The following CHRM3 variants were observed in gnomAD, a reference collection of about 807,000 sequenced individuals.
CHRM3 encodes muscarinic acetylcholine receptor M3.
CHRM3 carries 11 observed loss-of-function variants against 41.8 expected under a neutral mutation model. That is an observed-to-expected ratio of 0.26 (90% CI 0.17 to 0.44). The LOEUF (loss-of-function observed/expected upper bound fraction) is 0.44. CHRM3 is among the 20% of genes least tolerant of loss of function. The probability of loss-of-function intolerance (pLI) is 1.00; values close to 1 mark genes in which losing one functional copy is unlikely to be tolerated. For missense variants in CHRM3, 571 were observed against 745.4 expected, an observed-to-expected ratio of 0.77 and a Z score of 2.72; for synonymous variants, 297 against 301.4, an observed-to-expected ratio of 0.99 and a Z score of 0.15.
intron 6 of CHRM3, among the ~76,000 whole-genome samples, chr1:239,893,392 G>A (rs1311301256): frequency 6.6e-6 from 1 of 152,152 alleles, no homozygotes; most frequent in East Asian, 1.9e-4. Context: ...CTTGTTCATG[G>A]AAGATCTGCT....
chr1:239,826,541 G>A (rs1290830539), intron 5 of CHRM3, among the ~76,000 whole-genome samples: 1 of 152,144 alleles, frequency 6.6e-6, no homozygotes, highest in Non-Finnish European at 1.5e-5. Context: ...GAGGACTGTG[G>A]CAAAGAAGCA....
chr1:239,601,007 G>T (rs1665464542), intron 3 of CHRM3, among the ~76,000 whole-genome samples: 1 of 152,276 alleles, frequency 6.6e-6, no homozygotes, highest in South Asian at 2.1e-4. Flanking sequence ...GGCAGGGGGA[G>T]TAATTTTAAA....
intron 3 of CHRM3, among the ~76,000 whole-genome samples, chr1:239,572,906 A>G (rs1661963326): frequency 6.6e-6 from 1 of 152,146 alleles, no homozygotes; most frequent in African/African-American, 2.4e-5. Flanking sequence ...TTTGTCTGTG[A>G]TTGTTTATAT....
intron 1 of CHRM3, among the ~76,000 whole-genome samples, chr1:239,398,582 T>G (rs1659697556): frequency 6.6e-6 from 1 of 152,142 alleles, no homozygotes; most frequent in Non-Finnish European, 1.5e-5. Flanking sequence ...CCCTGAAGAT[T>G]TTGTCCATTG....
intron 5 of CHRM3, among the ~76,000 whole-genome samples, chr1:239,760,157 C>T (rs951355128): frequency 2.0e-5 from 3 of 151,682 alleles, no homozygotes; most frequent in Non-Finnish European, 1.5e-5. Flanking sequence ...GATCTCCTGA[C>T]CTCGTGATCC....
chr1:239,639,401 G>A (rs1670849056), intron 4 of CHRM3, among the ~76,000 whole-genome samples: 1 of 152,200 alleles, frequency 6.6e-6, no homozygotes, highest in South Asian at 2.1e-4. Flanking sequence ...CATGAGCATG[G>A]AATGTTCTTC....
chr1:239,779,491 C>T lies in CHRM3; in HGVS notation c.-146-47761C>T, dbSNP rs578239149. ...GCTCATGCCTTTAATCCCAACACTT[C>T]GGGAGGCCGAGGCAGGTGGATCACT... On this transcript the variant is annotated intron_variant, in intron 5 of 6. Transcript: ENST00000676153. 1.7e-3 allele frequency among the ~76,000 whole-genome samples: 258 copies of T among 152,314 alleles called. 1 individual carries two copies. Among genetic ancestry groups the T allele is most frequent in the African/African-American group, 5.7e-3 (237 of 41,582 alleles).
At chr1:239,617,065 T>A (rs1393525429) in intron 3 of CHRM3, among the ~76,000 whole-genome samples, 1 of 152,096 alleles carries the variant, frequency 6.6e-6, no homozygotes, top group African/African-American at 2.4e-5. Flanking sequence ...GAACTGTTTG[T>A]GCAGGGCATC....
intron 3 of CHRM3, among the ~76,000 whole-genome samples, chr1:239,618,771 G>A (rs1667996986): frequency 6.7e-6 from 1 of 148,158 alleles, no homozygotes; most frequent in Admixed American, 6.7e-5. Context: ...GTGAACCCGG[G>A]AGGCGGAGCT....
intron 2 of CHRM3, among the ~76,000 whole-genome samples, chr1:239,497,137 G>A (rs1244938570): frequency 6.6e-6 from 1 of 152,132 alleles, no homozygotes; most frequent in Non-Finnish European, 1.5e-5. Context: ...CTGGTGGATG[G>A]TAAGGATTAG....
intron 1 of CHRM3, among the ~76,000 whole-genome samples, chr1:239,438,451 T>A (rs1181695014): frequency 6.6e-6 from 1 of 152,262 alleles, no homozygotes; most frequent in African/African-American, 2.4e-5. Context: ...TGTGGGCATA[T>A]GCCCACTGAC....
At chr1:239,541,954 C>T (rs1247554570) in intron 2 of CHRM3, among the ~76,000 whole-genome samples, 2 of 152,150 alleles carry the variant, frequency 1.3e-5, no homozygotes, top group Non-Finnish European at 2.9e-5. Context: ...GATTGTAACT[C>T]CTGTGAAGGA....
chr1:239,412,019 C>G (rs1331456159), intron 1 of CHRM3, among the ~76,000 whole-genome samples: 1 of 151,198 alleles, frequency 6.6e-6, no homozygotes, highest in Non-Finnish European at 1.5e-5. Context: ...AATTTTAGCC[C>G]TCTTATAAAT....
At position 239,710,760 on chromosome 1, in the gene CHRM3, A is replaced by G. The variant is rs567271809; in HGVS notation, c.-147+32472A>G. On this transcript the variant is annotated intron_variant, in intron 5 of 6. Coordinates refer to ENST00000676153, the MANE Select transcript of CHRM3 (RefSeq NM_001375978.1). The stretch of plus-strand genomic sequence containing the variant: ...GCTTGTTTCTAAGCATAAAGAAAAT[A>G]AGTATAGGCTTTAAGGCCTTAATAA... 8.5e-5 allele frequency among the ~76,000 whole-genome samples: 13 copies of G among 152,138 alleles called. No homozygotes were observed. In the South Asian group the frequency reaches 2.3e-3, roughly 27 times the overall value.
At chr1:239,798,193 G>T (rs1412833629) in intron 5 of CHRM3, among the ~76,000 whole-genome samples, 1 of 152,028 alleles carries the variant, frequency 6.6e-6, no homozygotes, top group Non-Finnish European at 1.5e-5. Context: ...ATTCTTTATT[G>T]TAAGAATATA....
intron 6 of CHRM3, among the ~76,000 whole-genome samples, chr1:239,879,163 C>G (rs1035113807): frequency 6.6e-6 from 1 of 152,152 alleles, no homozygotes; most frequent in Admixed American, 6.5e-5. Context: ...CAGGGTCTCA[C>G]TGTGTTGCCC....
intron 5 of CHRM3, among the ~76,000 whole-genome samples, chr1:239,743,068 GA>G (rs34041782): frequency 6.6e-6 from 1 of 151,406 alleles, no homozygotes; most frequent in Non-Finnish European, 1.5e-5. Flanking sequence ...CTACTCAGGG[GA>G]AAAAAAAGAA....
At chr1:239,640,457 T>C (rs1670994622) in intron 4 of CHRM3, among the ~76,000 whole-genome samples, 1 of 152,224 alleles carries the variant, frequency 6.6e-6, no homozygotes, top group African/African-American at 2.4e-5. Context: ...GTTATTGGTC[T>C]ATTCAGAGAT....
At chr1:239,481,316 G>A (rs919919013) in intron 1 of CHRM3, among the ~76,000 whole-genome samples, 9 of 152,094 alleles carry the variant, frequency 5.9e-5, no homozygotes, top group East Asian at 1.9e-4. Context: ...TTCGGAAGAC[G>A]TATTTTAGAA....
Sources: allele counts gnomAD v4.1 joint callset (sites outside exome capture counted in the v4.1 genomes callset), GRCh38; gene constraint gnomAD v4.1.1; transcripts MANE v1.5; gene names NCBI Gene and HGNC (gene_info 2026-07-23, HGNC 2026-07-21).